Variants in DGKB observed in about 807,000 individuals in gnomAD.
DGKB encodes the protein 90 kDa diacylglycerol kinase.
A neutral mutation model predicts 114.3 loss-of-function variants in DGKB; 67 were observed. That is an observed-to-expected ratio of 0.59 (90% confidence interval 0.48 to 0.72). The LOEUF (loss-of-function observed/expected upper bound fraction) is 0.72, where lower values mean the gene tolerates loss of function less well. Ranked by LOEUF, DGKB falls within the 30% of genes least tolerant of loss-of-function variation. DGKB has a pLI of 0.00. For missense variants in DGKB, 907 were observed against 975.2 expected (o/e 0.93, Z 0.93); for synonymous variants, 398 against 323.1 (o/e 1.23, Z -2.49).
At chr7:14,200,049 T>C (rs1244879650) in intron 23 of DGKB, among the ~76,000 whole-genome samples, 1 of 152,038 alleles carries the variant, frequency 6.6e-6, no homozygotes, top group Non-Finnish European at 1.5e-5. Flanking sequence ...CCTTTAAGTC[T>C]AGAACTTCTG....
intron 14 of DGKB, among the ~76,000 whole-genome samples, chr7:14,625,401 C>G (rs10246525): frequency 0.027 from 4,149 of 152,236 alleles, 176 homozygotes; most frequent in African/African-American, 0.095. Context: ...ACTGTATCCT[C>G]AAAAAATTTC....
chr7:14,168,638 T>G (rs572042490), intron 25 of DGKB, among the ~76,000 whole-genome samples: 36 of 152,372 alleles, frequency 2.4e-4, no homozygotes, highest in Admixed American at 1.5e-3. Context: ...AATTGCACTA[T>G]GTAAGAAGAC....
intron 1 of DGKB, among the ~76,000 whole-genome samples, chr7:14,936,760 C>T (rs2189716): frequency 2.6e-5 from 4 of 151,966 alleles, no homozygotes; most frequent in Non-Finnish European, 5.9e-5. Context: ...CATCCTGCTG[C>T]GTTGTTTCTC....
intron 8 of DGKB, among the ~76,000 whole-genome samples, chr7:14,695,392 G>C (rs1216473308): frequency 6.6e-6 from 1 of 151,244 alleles, no homozygotes; most frequent in Non-Finnish European, 1.5e-5. Flanking sequence ...ATTGAACTGA[G>C]TGTAGAGCCT....
chr7:14,588,187 T>C (rs1045163480), intron 17 of DGKB, among the ~76,000 whole-genome samples: 1 of 152,160 alleles, frequency 6.6e-6, no homozygotes, highest in Non-Finnish European at 1.5e-5. Context: ...TTTATCCTTT[T>C]GGTTTCCATT....
chr7:14,631,870 G>A (rs576821181), intron 13 of DGKB, among the ~76,000 whole-genome samples: 1 of 151,996 alleles, frequency 6.6e-6, no homozygotes, highest in Admixed American at 6.6e-5. Flanking sequence ...TCAAATTCAG[G>A]TCAGGAATGT....
intron 1 of DGKB, among the ~76,000 whole-genome samples, chr7:14,898,259 G>A (rs954418408): frequency 1.2e-4 from 19 of 152,038 alleles, no homozygotes; most frequent in Non-Finnish European, 2.6e-4. Flanking sequence ...TGTAAGCAGA[G>A]ACAAAGAAGG....
intron 1 of DGKB, among the ~76,000 whole-genome samples, chr7:14,845,193 A>G (rs1329661093): frequency 1.3e-5 from 2 of 151,950 alleles, no homozygotes; most frequent in Admixed American, 1.3e-4. Flanking sequence ...TGAGAAATTC[A>G]AATTTAAAAT....
intron 2 of DGKB, among the ~76,000 whole-genome samples, chr7:14,816,239 C>G (rs1452566595): frequency 1.3e-5 from 2 of 152,096 alleles, no homozygotes; most frequent in Non-Finnish European, 2.9e-5. Flanking sequence ...GAGGCCGAGA[C>G]AGGAGAATCG....
intron 23 of DGKB, among the ~76,000 whole-genome samples, chr7:14,267,338 G>T (rs913074533): frequency 6.6e-6 from 1 of 152,122 alleles, no homozygotes; most frequent in African/African-American, 2.4e-5. Context: ...TGAAGAAGAA[G>T]GTGGACCTAG....
intron 20 of DGKB, among the ~76,000 whole-genome samples, chr7:14,487,137 G>A (rs1783936770): frequency 6.6e-6 from 1 of 152,132 alleles, no homozygotes; most frequent in African/African-American, 2.4e-5. Flanking sequence ...CTGCCGAGTG[G>A]TAGTTGTGCC....
intron 1 of DGKB, among the ~76,000 whole-genome samples, chr7:14,970,957 C>A (rs967400731): frequency 3.9e-5 from 6 of 152,076 alleles, no homozygotes; most frequent in African/African-American, 1.4e-4. Flanking sequence ...AATTCTTGAA[C>A]CATTTTTTTG....
intron 1 of DGKB, among the ~76,000 whole-genome samples, chr7:14,960,270 A>T (rs1786765776): frequency 6.6e-6 from 1 of 152,126 alleles, no homozygotes; most frequent in East Asian, 1.9e-4. Context: ...CAGTACTTAA[A>T]GAATATATAA....
In DGKB at chr7:14,577,160, T is replaced by C. The variant is rs563251201; in HGVS notation, c.1610-2788A>G. 3.3e-5 allele frequency among the ~76,000 whole-genome samples: 5 copies of C among 152,340 alleles called. No homozygotes were observed. In the South Asian group the frequency reaches 1.0e-3, roughly 32 times the overall value. ...TAATGCTATTTTACTTTCATTATTT[T>C]GGTTTAAAGCCTGTAATCAATCCAG... is the stretch of plus-strand genomic sequence containing the variant. On this transcript the variant is annotated intron_variant, in intron 19 of 25. Coordinates refer to ENST00000402815, the MANE Select transcript of DGKB (RefSeq NM_001350709.2).
intron 1 of DGKB, among the ~76,000 whole-genome samples, chr7:14,866,366 T>G (rs1851716891): frequency 6.6e-6 from 1 of 152,136 alleles, no homozygotes; most frequent in Non-Finnish European, 1.5e-5. Context: ...TAGAGTAGTT[T>G]TATTGCCTTA....
At chr7:14,537,434 AG>A (rs1638781423) in intron 20 of DGKB, among the ~76,000 whole-genome samples, 1 of 152,194 alleles carries the variant, frequency 6.6e-6, no homozygotes, top group South Asian at 2.1e-4. Flanking sequence ...ACATAAAGAC[AG>A]ATCTATAGAG....
chr7:14,289,391 A>G (rs1450672667), intron 23 of DGKB, among the ~76,000 whole-genome samples: 1 of 152,214 alleles, frequency 6.6e-6, no homozygotes, highest in African/African-American at 2.4e-5. Flanking sequence ...ACATTTCACA[A>G]ATATAATATT....
At chr7:14,652,814 AC>A (rs1349004196) in intron 13 of DGKB, among the ~76,000 whole-genome samples, 1 of 152,226 alleles carries the variant, frequency 6.6e-6, no homozygotes, top group Non-Finnish European at 1.5e-5. Flanking sequence ...CAAGAAAAAA[AC>A]AAACAACCCC....
intron 20 of DGKB, among the ~76,000 whole-genome samples, chr7:14,556,239 A>T (rs1204773638): frequency 6.6e-6 from 1 of 152,098 alleles, no homozygotes; most frequent in African/African-American, 2.4e-5. Context: ...GCATATTTTT[A>T]GTTTTGCTGG....
Sources: gnomAD v4.1 joint callset for allele counts (sites outside exome capture counted in the v4.1 genomes callset) on GRCh38, gnomAD v4.1.1 for gene constraint, MANE v1.5 for transcripts, NCBI Gene and HGNC (gene_info 2026-07-23, HGNC 2026-07-21) for gene names.